Variants in TAB2 observed in about 807,000 individuals in gnomAD.
The protein encoded by TAB2 is TGF-beta activated kinase 1 (MAP3K7) binding protein 2.
A neutral mutation model predicts 65.0 loss-of-function variants in TAB2; 3 were observed. The ratio of observed to expected loss-of-function variants is 0.05; its 90% confidence interval spans 0.02 to 0.12. The LOEUF is 0.12. TAB2 is among the 10% of genes least tolerant of loss of function. The probability of loss-of-function intolerance (pLI) is 1.00; values close to 1 mark genes in which losing one functional copy is unlikely to be tolerated. For synonymous variants in TAB2, 298 were observed against 285.1 expected (o/e 1.05, Z -0.46); for missense variants, 623 against 840.3 (o/e 0.74, Z 3.20).
Position 149,378,509 on chromosome 6 carries a change from T to C in TAB2, c.594T>C (p.His198=), listed in dbSNP as rs1269395088. ...GRNTPTSLHI[H]GVPPPVLNSP... Reference sequence around the variant, plus strand: ...ATACTCCTACATCTTTGCACATACATGGTGTACCTCCACCTGTACTTAACA... The same window carrying C: ...ATACTCCTACATCTTTGCACATACACGGTGTACCTCCACCTGTACTTAACA... Residue 198 remains histidine, a synonymous_variant, in exon 3 of 7, where the codon CAT becomes CAC. Transcript: ENST00000637181. 1.9e-6 allele frequency: 3 copies of C among 1,614,078 alleles called. No individual in the cohort carries two copies. The highest frequency in any genetic ancestry group is 2.5e-6 in the Non-Finnish European group (3 of 1,180,066).
At chr6:149,269,475 T>C (rs906205056) in intron 1 of TAB2, among the ~76,000 whole-genome samples, 1 of 152,186 alleles carries the variant, frequency 6.6e-6, no homozygotes, top group Middle Eastern at 3.2e-3. Flanking sequence ...ACCCTTTTTA[T>C]TGTGCAGTTC....
intron 1 of TAB2, among the ~76,000 whole-genome samples, chr6:149,261,597 C>CA (rs1778154795): frequency 6.6e-6 from 1 of 152,122 alleles, no homozygotes; most frequent in Non-Finnish European, 1.5e-5. Flanking sequence ...AAAGTGATGA[C>CA]AAAATCCCAC....
intron 1 of TAB2, among the ~76,000 whole-genome samples, chr6:149,348,423 G>GGAAA (rs913943512): frequency 4.7e-5 from 7 of 150,534 alleles, no homozygotes; most frequent in Non-Finnish European, 4.4e-5. Context: ...GGAGAAAGAA[G>GGAAA]GAAAGAAAGA....
At chr6:149,347,576 G>A (rs1270463258) in intron 1 of TAB2, among the ~76,000 whole-genome samples, 2 of 152,024 alleles carry the variant, frequency 1.3e-5, no homozygotes, top group African/African-American at 4.8e-5. Flanking sequence ...AAATGATTTA[G>A]TATTATAAAT....
chr6:149,335,745 G>C (rs1429490278), intron 1 of TAB2, among the ~76,000 whole-genome samples: 1 of 151,900 alleles, frequency 6.6e-6, no homozygotes, highest in Non-Finnish European at 1.5e-5. Flanking sequence ...ACAATTTTAT[G>C]AAGTGTTTGT....
intron 1 of TAB2, among the ~76,000 whole-genome samples, chr6:149,228,861 G>T (rs926409): frequency 2.6e-5 from 4 of 152,110 alleles, no homozygotes; most frequent in South Asian, 2.1e-4. Context: ...ATGTGTGTGC[G>T]TGCATGCATG....
intron 1 of TAB2, among the ~76,000 whole-genome samples, chr6:149,335,705 G>A (rs936392715): frequency 6.6e-6 from 1 of 151,916 alleles, no homozygotes; most frequent in Admixed American, 6.6e-5. Flanking sequence ...AATAAATGAA[G>A]CAACTTGGCA....
intron 1 of TAB2, among the ~76,000 whole-genome samples, chr6:149,291,161 T>C (rs774301470): frequency 6.6e-6 from 1 of 152,230 alleles, no homozygotes; most frequent in Non-Finnish European, 1.5e-5. Flanking sequence ...AGTGAACTCT[T>C]GTTTATTTGG....
At chr6:149,262,360 C>T (rs1778171759) in intron 1 of TAB2, among the ~76,000 whole-genome samples, 1 of 152,082 alleles carries the variant, frequency 6.6e-6, no homozygotes, top group South Asian at 2.1e-4. Flanking sequence ...TGGTGAAACC[C>T]CGTCTCTACT....
intron 1 of TAB2, among the ~76,000 whole-genome samples, chr6:149,264,448 TTTG>T (rs1778218711): frequency 6.7e-6 from 1 of 149,214 alleles, no homozygotes; most frequent in Non-Finnish European, 1.5e-5. Flanking sequence ...GAGTTCTTGT[TTTG>T]TTTTGTTTGG....
chr6:149,372,986 A>G (rs1037804638), intron 2 of TAB2, among the ~76,000 whole-genome samples: 2 of 152,164 alleles, frequency 1.3e-5, no homozygotes, highest in Non-Finnish European at 2.9e-5. Flanking sequence ...CATGCTACCA[A>G]TTCTGTGTAC....
chr6:149,236,853 A>G (rs1440166463), intron 1 of TAB2, among the ~76,000 whole-genome samples: 1 of 152,196 alleles, frequency 6.6e-6, no homozygotes, highest in Non-Finnish European at 1.5e-5. Flanking sequence ...GGACATTTGA[A>G]TTAATAACCA....
At chr6:149,389,201 G>A (rs1033596853) in intron 3 of TAB2, among the ~76,000 whole-genome samples, 16 of 151,738 alleles carry the variant, frequency 1.1e-4, no homozygotes, top group Admixed American at 2.6e-4. Flanking sequence ...TAATCCACCC[G>A]CATCGGCCTC....
chr6:149,401,870 AGAAG>A (rs1342711500), intron 6 of TAB2, among the ~76,000 whole-genome samples: 1 of 152,138 alleles, frequency 6.6e-6, no homozygotes, highest in Non-Finnish European at 1.5e-5. Flanking sequence ...CATTGAGTCA[AGAAG>A]GAAATCAAAA....
intron 1 of TAB2, among the ~76,000 whole-genome samples, chr6:149,357,404 A>G (rs1780688641): frequency 7.2e-6 from 1 of 139,012 alleles, no homozygotes; most frequent in African/African-American, 2.7e-5. Context: ...CAATAGAGGG[A>G]GACTCCGTCT....
chr6:149,257,148 A>C (rs560325335), intron 1 of TAB2, among the ~76,000 whole-genome samples: 3 of 152,228 alleles, frequency 2.0e-5, no homozygotes, highest in Non-Finnish European at 4.4e-5. Flanking sequence ...CTTCCTTTCA[A>C]CAGACATTGT....
At chr6:149,279,643 G>C (rs2114684099) in intron 1 of TAB2, among the ~76,000 whole-genome samples, 1 of 152,250 alleles carries the variant, frequency 6.6e-6, no homozygotes, top group East Asian at 1.9e-4. Flanking sequence ...TCACCACAAA[G>C]AATATCTGGC....
chr6:149,325,235 G>T (rs1779565630), intron 1 of TAB2, among the ~76,000 whole-genome samples: 1 of 152,142 alleles, frequency 6.6e-6, no homozygotes, highest in Non-Finnish European at 1.5e-5. Flanking sequence ...TCTGAGCCAA[G>T]GAGTTTTCTT....
chr6:149,248,459 G>GGAAGAAAA (rs1777783471), intron 1 of TAB2, among the ~76,000 whole-genome samples: 1 of 144,820 alleles, frequency 6.9e-6, no homozygotes, highest in South Asian at 2.2e-4. Context: ...AAGAAAAGAA[G>GGAAGAAAA]GAAGGAAGGA....
Sources: gnomAD v4.1 joint callset for allele counts (sites outside exome capture counted in the v4.1 genomes callset) on GRCh38, gnomAD v4.1.1 for gene constraint, MANE v1.5 for transcripts, NCBI Gene and HGNC (gene_info 2026-07-23, HGNC 2026-07-21) for gene names.